Variants in TPO observed in about 807,000 individuals in gnomAD.
The protein encoded by TPO is thyroid peroxidase, also known as thyroid microsomal antigen.
Under a neutral mutation model 96.9 loss-of-function variants are expected in TPO, and 78 were observed. The observed-to-expected ratio is 0.81, with a 90% CI of 0.67 to 0.97. The LOEUF is 0.97. Among genes scored for constraint, TPO ranks in the 50% least tolerant of loss-of-function variants. The pLI is 0.00. For synonymous variants in TPO, 547 were observed against 538.0 expected (o/e 1.02, Z -0.23); for missense variants, 1,252 against 1,274.8 (o/e 0.98, Z 0.27).
intron 1 of TPO, among the ~76,000 whole-genome samples, chr2:1,374,754 G>A (rs1016886368): frequency 1.5e-4 from 21 of 138,556 alleles, no homozygotes; most frequent in South Asian, 4.5e-4. Flanking sequence ...CTGAGATGAC[G>A]TCTTGCTCTG....
At chr2:1,502,476 G>A (rs529306146) in intron 13 of TPO, among the ~76,000 whole-genome samples, 3 of 152,034 alleles carry the variant, frequency 2.0e-5, no homozygotes, top group Non-Finnish European at 2.9e-5. Flanking sequence ...TGCAACCTCC[G>A]CTTCCTGAGC....
chr2:1,375,888 C>T (rs1433387711), intron 1 of TPO, among the ~76,000 whole-genome samples: 1 of 152,124 alleles, frequency 6.6e-6, no homozygotes, highest in East Asian at 1.9e-4. Flanking sequence ...GGTGGGAAGA[C>T]AGGAGGATTT....
chr2:1,518,442 T>G (rs1417253576), intron 15 of TPO, among the ~76,000 whole-genome samples: 9 of 152,186 alleles, frequency 5.9e-5, no homozygotes, highest in African/African-American at 2.2e-4. Context: ...TGTGATCACT[T>G]GTAAGGGAAG....
intron 15 of TPO, among the ~76,000 whole-genome samples, chr2:1,532,043 A>G (rs1678387408): frequency 9.1e-6 from 1 of 109,606 alleles, no homozygotes; most frequent in Non-Finnish European, 1.9e-5. Context: ...CACTGTGTGC[A>G]ACCTCCCCAA....
intron 5 of TPO, among the ~76,000 whole-genome samples, chr2:1,446,528 C>T (rs1666842957): frequency 6.6e-6 from 1 of 152,156 alleles, no homozygotes; most frequent in Non-Finnish European, 1.5e-5. Context: ...TGTGGTTTAA[C>T]TTCACATTTT....
intron 15 of TPO, among the ~76,000 whole-genome samples, chr2:1,523,219 C>A (rs539161269): frequency 6.7e-5 from 7 of 104,628 alleles, no homozygotes; most frequent in East Asian, 6.8e-4. Flanking sequence ...CAAATCCCCC[C>A]ACTTTGAGCA....
chr2:1,391,145 A>G (rs1254536508), intron 1 of TPO, among the ~76,000 whole-genome samples: 2 of 152,214 alleles, frequency 1.3e-5, no homozygotes, highest in Non-Finnish European at 1.5e-5. Context: ...GTTTTCTTCT[A>G]GATTTTCTAT....
At chr2:1,408,562 C>T (rs986646384), upstream of TPO, among the ~76,000 whole-genome samples, 9 of 152,178 alleles carry the variant, frequency 5.9e-5, no homozygotes, top group Non-Finnish European at 7.4e-5. Context: ...GAAACTGAAA[C>T]GCAAAAAAGA....
chr2:1,385,339 T>C (rs1486365945), intron 1 of TPO, among the ~76,000 whole-genome samples: 2 of 152,218 alleles, frequency 1.3e-5, no homozygotes, highest in Non-Finnish European at 2.9e-5. Flanking sequence ...TGTCCAGTCC[T>C]GGACTTTTTT....
intron 7 of TPO, among the ~76,000 whole-genome samples, chr2:1,471,988 G>A (rs1482368998): frequency 6.7e-6 from 1 of 150,084 alleles, no homozygotes; most frequent in Non-Finnish European, 1.5e-5. Context: ...CATAGCACAT[G>A]CCCTTCCCAT....
rs1677648026 is a variant in TPO, at chr2:1,529,879, ACCT to A, written c.2619-10710_2619-10708del. Reference sequence around the variant, plus strand: ...CCCAAAATTGCCCCCACTGTGTGCAACCTCCTCAAATCCCTCCCACTCTGTGCA... The same window carrying A: ...CCCAAAATTGCCCCCACTGTGTGCAACCTCAAATCCCTCCCACTCTGTGCA... On this transcript the variant is annotated intron_variant, in intron 15 of 16. Transcript: ENST00000329066. Among the ~76,000 whole-genome samples, 4 of 112,248 alleles carry A rather than the reference ACCT, an allele frequency of 3.6e-5. 1 individual carries two copies. In the South Asian group the frequency reaches 1.3e-3, roughly 36 times the overall value. The allele number at this position is 112,248 out of a possible 152,430, so 73.6% of individuals were successfully genotyped here.
rs1193966666 is a variant in TPO at position 1,477,600 on chromosome 2, A to G, written c.1334A>G (p.His445Arg). ...GCGCGCAAGGTCGTGGGCGCTCTGC[A>G]CCAGGTGCGCGGGGTGGTCCTGGGC... is the stretch of plus-strand genomic sequence containing the variant. ...QEARKVVGAL[H>R]QIITLRDYIP... Residue 445 changes from histidine (H) to arginine (R), a missense_variant, in exon 8 of 17, where the codon CAC becomes CGC. His to Arg is a conservative substitution (Grantham distance 29). Transcript: ENST00000329066. The G allele has an allele frequency of 1.3e-6, 2 of 1,525,052 alleles. No homozygotes were observed. The highest frequency in any genetic ancestry group is 1.8e-6 in the Non-Finnish European group (2 of 1,141,956). 94.5% of individuals were successfully genotyped at this position (1,525,052 alleles called of 1,614,324 possible).
Position 1,477,320 on chromosome 2 carries a change from G to C in TPO, c.1054G>C (p.Val352Leu). 6.4e-7 allele frequency: 1 copy of C among 1,567,650 alleles called. No individual in the cohort carries two copies. Among genetic ancestry groups the C allele is most frequent in the Non-Finnish European group, 8.6e-7 (1 of 1,157,216 alleles). The change falls in exon 8 of 17, where the codon GTC becomes CTC. Residue 352 changes from valine to leucine, a missense_variant. Coordinates refer to ENST00000329066, the MANE Select transcript of TPO (RefSeq NM_001206744.2). Reference sequence around the variant, plus strand: ...GACCAGTGCCGAAGGGCTGCTCCGCGTCCACGCGCGCCTCCGGGACTCCGG... The same window carrying C: ...GACCAGTGCCGAAGGGCTGCTCCGCCTCCACGCGCGCCTCCGGGACTCCGG... ...NWTSAEGLLR[V>L]HARLRDSGRA...
chr2:1,390,673 A>T (rs1405974826), intron 1 of TPO, among the ~76,000 whole-genome samples: 1 of 152,162 alleles, frequency 6.6e-6, no homozygotes, highest in Non-Finnish European at 1.5e-5. Flanking sequence ...CTATTTCTCC[A>T]CATCCTCTCC....
intron 1 of TPO, among the ~76,000 whole-genome samples, chr2:1,400,590 A>G (rs1211634480): frequency 6.9e-6 from 1 of 144,382 alleles, no homozygotes; most frequent in Non-Finnish European, 1.5e-5. Context: ...AAAAAAAAAG[A>G]AATATTTGTG....
intron 14 of TPO, among the ~76,000 whole-genome samples, chr2:1,514,854 T>C (rs144961702): frequency 9.7e-4 from 148 of 152,330 alleles, no homozygotes; most frequent in Non-Finnish European, 1.7e-3. Context: ...TTCACACTTT[T>C]GGGTAAACAT....
chr2:1,429,129 A>G (rs11887707), intron 3 of TPO, among the ~76,000 whole-genome samples: 3,815 of 152,252 alleles, frequency 0.025, 138 homozygotes, highest in East Asian at 0.15. Context: ...GATTTGCCCC[A>G]TCCCGTTGGT....
At chr2:1,425,409 CAGAAGTCCGTGCCCCTT>C (rs1664252199) in intron 3 of TPO, among the ~76,000 whole-genome samples, 2 of 151,910 alleles carry the variant, frequency 1.3e-5, no homozygotes, top group Non-Finnish European at 2.9e-5. Context: ...TTCATATTCT[CAGAAGTCCGTGCCCCTT>C]CTGTAAAGTC....
intron 7 of TPO, among the ~76,000 whole-genome samples, chr2:1,474,072 T>G (rs1159778311): frequency 6.6e-6 from 1 of 152,206 alleles, no homozygotes; most frequent in Non-Finnish European, 1.5e-5. Context: ...CGGGAGTTTC[T>G]GCTAGTCCTT....
Sources: allele counts gnomAD v4.1 joint callset (sites outside exome capture counted in the v4.1 genomes callset), GRCh38; gene constraint gnomAD v4.1.1; transcripts MANE v1.5; gene names NCBI Gene and HGNC (gene_info 2026-07-23, HGNC 2026-07-21).